MEGF11: variants seen among roughly 807,000 people sequenced by gnomAD.
MEGF11 encodes multiple epidermal growth factor-like domains protein 11.
Under a neutral mutation model 146.6 loss-of-function variants are expected in MEGF11, and 126 were observed. That is an observed-to-expected ratio of 0.86 (90% CI 0.74 to 1.00). MEGF11 has a LOEUF of 1.00. Among genes scored for constraint, MEGF11 ranks in the 50% least tolerant of loss-of-function variants. The pLI is 0.00. For synonymous variants in MEGF11, 532 were observed against 583.4 expected (o/e 0.91, Z 1.27); for missense variants, 1,509 against 1,521.2 (o/e 0.99, Z 0.13).
chr15:66,192,185 T>A (rs1172519442), intron 1 of MEGF11, among the ~76,000 whole-genome samples: 1 of 151,340 alleles, frequency 6.6e-6, no homozygotes, highest in Non-Finnish European at 1.5e-5. Flanking sequence ...ATCGTCATAA[T>A]GGCCAGGCAC....
At chr15:66,027,958 G>A (rs2083391827) in intron 5 of MEGF11, among the ~76,000 whole-genome samples, 1 of 152,190 alleles carries the variant, frequency 6.6e-6, no homozygotes, top group Non-Finnish European at 1.5e-5. Flanking sequence ...GGAATATTCA[G>A]GGTCAAAAAA....
At chr15:66,101,590 G>A (rs988346091) in intron 4 of MEGF11, among the ~76,000 whole-genome samples, 1 of 152,134 alleles carries the variant, frequency 6.6e-6, no homozygotes, top group African/African-American at 2.4e-5. Flanking sequence ...CTCCATGAAG[G>A]CAAAGAATGG....
chr15:66,111,571 C>T (rs868696207), intron 4 of MEGF11, among the ~76,000 whole-genome samples: 13 of 152,344 alleles, frequency 8.5e-5, no homozygotes, highest in African/African-American at 2.9e-4. Context: ...ACCCCCCACC[C>T]CCAGCGCAGG....
intron 5 of MEGF11, among the ~76,000 whole-genome samples, chr15:66,070,780 G>A (rs2085332645): frequency 6.6e-6 from 1 of 152,210 alleles, no homozygotes; most frequent in African/African-American, 2.4e-5. Context: ...GAGGAAGTGG[G>A]GGGATTAAGT....
rs753189453 is a variant in MEGF11, at chr15:65,913,862, A to T, written c.2585T>A (p.Ile862Asn). ...GGCAAATAGGCCCAGCAGCACCACA[A>T]TGAGGAATAACAGGAGCATGATGCC... ...VTGIMLLLFL[I>N]VVLLGLFAWH... The change falls in exon 20 of 26, where the codon ATT (isoleucine) becomes AAT (asparagine). Residue 862 changes from isoleucine (I) to asparagine (N), a missense_variant. Coordinates refer to ENST00000395614, the MANE Select transcript of MEGF11 (RefSeq NM_001385028.1). 1 of 1,613,926 alleles carries T rather than the reference A, an allele frequency of 6.2e-7. No individual in the cohort carries two copies. Among genetic ancestry groups the T allele is most frequent in the East Asian group, 2.2e-5 (1 of 44,874 alleles).
At chr15:66,011,817 C>T (rs1596987932) in intron 5 of MEGF11, among the ~76,000 whole-genome samples, 1 of 151,888 alleles carries the variant, frequency 6.6e-6, no homozygotes, top group African/African-American at 2.4e-5. Context: ...GAATACTATG[C>T]AGCCATTCAA....
At chr15:65,973,658 C>A (rs1377175368) in intron 7 of MEGF11, among the ~76,000 whole-genome samples, 1 of 152,094 alleles carries the variant, frequency 6.6e-6, no homozygotes. Context: ...GATTTAACCA[C>A]AAATTGTAAT....
At chr15:66,086,343 C>A (rs1195928787) in intron 5 of MEGF11, among the ~76,000 whole-genome samples, 1 of 152,156 alleles carries the variant, frequency 6.6e-6, no homozygotes, top group African/African-American at 2.4e-5. Flanking sequence ...AAGATCTTCA[C>A]CTGGGCAAAT....
intron 4 of MEGF11, among the ~76,000 whole-genome samples, chr15:66,104,213 T>C (rs1476651764): frequency 6.6e-6 from 1 of 152,210 alleles, no homozygotes; most frequent in Non-Finnish European, 1.5e-5. Flanking sequence ...CCAACAAGCT[T>C]CGTTATCTTG....
At chr15:66,094,681 T>A (rs969960654) in intron 4 of MEGF11, among the ~76,000 whole-genome samples, 187 bp from the exon 5 acceptor site, 1 of 152,174 alleles carries the variant, frequency 6.6e-6, no homozygotes, top group African/African-American at 2.4e-5. Context: ...CCAGAATGGA[T>A]CCTACAAGAG....
At chr15:66,091,353 A>G (rs1051201651) in intron 5 of MEGF11, among the ~76,000 whole-genome samples, 1 of 152,268 alleles carries the variant, frequency 6.6e-6, no homozygotes, top group Non-Finnish European at 1.5e-5. Flanking sequence ...TCTCAGGGCC[A>G]CATCTTTTAA....
At chr15:66,171,146 T>G (rs1294693115) in intron 1 of MEGF11, among the ~76,000 whole-genome samples, 1 of 152,246 alleles carries the variant, frequency 6.6e-6, no homozygotes, top group Non-Finnish European at 1.5e-5. Context: ...AGGCCGCTGT[T>G]GCTGCTGTGG....
rs1016302523 is a variant in MEGF11, at chr15:65,895,553, A to G, written c.*2381T>C. The G allele has an allele frequency of 2.0e-4, 30 of 152,682 alleles. No homozygotes were observed. Among genetic ancestry groups the G allele is most frequent in the Admixed American group, 1.8e-3 (28 of 15,282 alleles). 9.5% of individuals were successfully genotyped at this position (152,682 alleles called of 1,614,324 possible). A position where few individuals can be genotyped will look rare whatever the true frequency, so the allele number is the denominator to read the frequency against. On this transcript the variant is annotated 3_prime_UTR_variant, in exon 26 of 26. Coordinates refer to ENST00000395614, the MANE Select transcript of MEGF11 (RefSeq NM_001385028.1). ...CACAGTATACATGTTTAGGCTGACC[A>G]TGAACCTATTTGTGATGGTGTTAGA...
chr15:65,898,499 G>T (rs1280624139), intron 25 of MEGF11: 1 of 985,204 alleles, frequency 1.0e-6, no homozygotes, highest in African/African-American at 1.7e-5. Flanking sequence ...CCCAGTATTT[G>T]TTTCATATTA....
At chr15:65,912,873 C>G (rs2078859885) in intron 20 of MEGF11, among the ~76,000 whole-genome samples, 1 of 152,112 alleles carries the variant, frequency 6.6e-6, no homozygotes. Flanking sequence ...CTGAAGTGAT[C>G]TGGGTTTTCT....
At chr15:66,183,436 G>T (rs1443986686) in intron 1 of MEGF11, among the ~76,000 whole-genome samples, 1 of 151,762 alleles carries the variant, frequency 6.6e-6, no homozygotes, top group Non-Finnish European at 1.5e-5. Context: ...GGAGGTGGAG[G>T]TTGCAGTGAG....
rs1378842647 is a variant in MEGF11 at position 65,928,450 on chromosome 15, G to C, written c.1650C>G (p.His550Gln). The C allele has an allele frequency of 6.2e-7, 1 of 1,601,934 alleles. No individual in the cohort carries two copies. The highest frequency in any genetic ancestry group is 1.3e-5 in the African/African-American group (1 of 74,754). ...HADGCDPVTG[H>Q]CCCLAGWTGI... ...CTGTCCATCCGGCCAGGCAGCAGCA[G>C]TGGCCTGTGACGGGGTCACATCCAT... Residue 550 changes from histidine to glutamine, a missense_variant, in exon 13 of 26, where the codon CAC becomes CAG. Physicochemically the swap from His to Gln is conservative, Grantham distance 24. Coordinates refer to ENST00000395614, the MANE Select transcript of MEGF11 (RefSeq NM_001385028.1).
chr15:65,922,964 G>A lies in MEGF11; in HGVS notation c.1681C>T (p.Arg561Cys), dbSNP rs141706671. The change falls in exon 14 of 26, where the codon CGC (arginine) becomes TGC (cysteine). Residue 561 changes from arginine to cysteine, a missense_variant. Coordinates refer to ENST00000395614, the MANE Select transcript of MEGF11 (RefSeq NM_001385028.1). ...CCAGGTGGACACGTGCTGTCACAGCGGATGCCTGTGGGCCAGAGGCAGACT... is the reference window on the plus strand; with the variant it reads ...CCAGGTGGACACGTGCTGTCACAGCAGATGCCTGTGGGCCAGAGGCAGACT... ...CCCLAGWTGI[R>C]CDSTCPPGRW... 4.6e-5 allele frequency: 74 copies of A among 1,612,314 alleles called. No individual in the cohort carries two copies. The highest frequency in any genetic ancestry group is 2.9e-4 in the East Asian group (13 of 44,830).
chr15:66,078,263 T>A (rs1243633874), intron 5 of MEGF11, among the ~76,000 whole-genome samples: 1 of 152,194 alleles, frequency 6.6e-6, no homozygotes, highest in African/African-American at 2.4e-5. Flanking sequence ...TTAGGAGAGA[T>A]GCTGAAGCAA....
Sources: gnomAD v4.1 joint callset for allele counts (sites outside exome capture counted in the v4.1 genomes callset) on GRCh38, gnomAD v4.1.1 for gene constraint, MANE v1.5 for transcripts, NCBI Gene and HGNC (gene_info 2026-07-23, HGNC 2026-07-21) for gene names.